MFSD11: variants seen among roughly 807,000 people sequenced by gnomAD.
MFSD11 encodes UNC93-like protein MFSD11.
Under a neutral mutation model 53.5 loss-of-function variants are expected in MFSD11, and 36 were observed. That is an observed-to-expected ratio of 0.67 (90% confidence interval 0.52 to 0.89). The LOEUF (loss-of-function observed/expected upper bound fraction) is 0.89. Among genes scored for constraint, MFSD11 ranks in the 40% least tolerant of loss-of-function variants. The pLI, the probability that MFSD11 is intolerant of heterozygous loss-of-function variation, is 0.00. For synonymous variants in MFSD11, 186 were observed against 184.9 expected (o/e 1.01, Z -0.05); for missense variants, 530 against 543.9 (o/e 0.97, Z 0.25).
intron 8 of MFSD11, among the ~76,000 whole-genome samples, chr17:76,761,494 C>A (rs2080225839): frequency 1.3e-5 from 2 of 152,122 alleles, no homozygotes; most frequent in South Asian, 4.1e-4. Flanking sequence ...TCAAAAAATT[C>A]TCCTGTATAT....
At chr17:76,737,256 G>A (rs768911692), upstream of MFSD11, 1 of 1,436,844 alleles carries the variant, frequency 7.0e-7, no homozygotes, top group Non-Finnish European at 9.2e-7. Flanking sequence ...TGCCTTCCGC[G>A]TGGGGACACT....
chr17:76,801,422 AG>A, the MFSD11 span, among the ~76,000 whole-genome samples: 2 of 148,332 alleles, frequency 1.3e-5, no homozygotes, highest in African/African-American at 4.9e-5. Context: ...AAGAAATAAT[AG>A]CTACTGCATA....
chr17:76,758,563 CAG>C (rs1353923889), intron 8 of MFSD11, among the ~76,000 whole-genome samples: 3 of 111,278 alleles, frequency 2.7e-5, no homozygotes, highest in Admixed American at 1.3e-4. Context: ...AGCATGGGCA[CAG>C]AGCGAGACCA....
chr17:76,775,135 T>C lies in MFSD11; in HGVS notation c.1013T>C (p.Val338Ala), dbSNP rs2081703028. ...CCTGGAGATGCCCCGATTGCTCCTGTTAAAGGAACTGACAGCAGTGCTTAC... is the reference window on the plus strand; with the variant it reads ...CCTGGAGATGCCCCGATTGCTCCTGCTAAAGGAACTGACAGCAGTGCTTAC... Reference protein sequence around the residue: ...NMPGDAPIAPVKGTDSSAYIK... With the variant: ...NMPGDAPIAPAKGTDSSAYIK... The change falls in exon 11 of 13, where the codon GTT (valine) becomes GCT (alanine). Residue 338 changes from valine (V) to alanine (A), a missense_variant. Transcript: ENST00000685175. 6.2e-7 allele frequency: 1 copy of C among 1,614,014 alleles called. No homozygotes were observed. Among genetic ancestry groups the C allele is most frequent in the East Asian group, 2.2e-5 (1 of 44,892 alleles).
the MFSD11 span, among the ~76,000 whole-genome samples, chr17:76,803,001 C>A: frequency 6.6e-6 from 1 of 151,534 alleles, no homozygotes; most frequent in African/African-American, 2.4e-5. Context: ...ACTAAAAATA[C>A]AAAAAATTAG....
chr17:76,741,687 C>G (rs1304256023), intron 3 of MFSD11, among the ~76,000 whole-genome samples: 1 of 152,066 alleles, frequency 6.6e-6, no homozygotes, highest in Non-Finnish European at 1.5e-5. Context: ...ACTTAGGAGG[C>G]TGAGGTGGGA....
At chr17:76,770,139 G>A (rs1235134459) in intron 10 of MFSD11, among the ~76,000 whole-genome samples, 2 of 149,710 alleles carry the variant, frequency 1.3e-5, no homozygotes, top group Non-Finnish European at 1.5e-5. Context: ...CCGGGTTCAC[G>A]CCATTCTTCT....
At chr17:76,743,941 T>A (rs2078320304) in intron 6 of MFSD11, among the ~76,000 whole-genome samples, 1 of 152,176 alleles carries the variant, frequency 6.6e-6, no homozygotes, top group Non-Finnish European at 1.5e-5. Context: ...ACTAGGATTA[T>A]AGTTTATGAC....
intron 7 of MFSD11, among the ~76,000 whole-genome samples, chr17:76,748,719 G>A (rs11867318): frequency 1.2e-4 from 5 of 43,088 alleles, no homozygotes; most frequent in Non-Finnish European, 4.4e-4. Context: ...TCTCAAGTGC[G>A]TAATTTGCAT....
intron 10 of MFSD11, among the ~76,000 whole-genome samples, chr17:76,771,997 G>A (rs1306991952): frequency 6.6e-6 from 1 of 152,112 alleles, no homozygotes; most frequent in Non-Finnish European, 1.5e-5. Context: ...GCTTAGCCAT[G>A]GTGAGTCAGT....
chr17:76,762,870 T>C lies in MFSD11; in HGVS notation c.683-4516T>C, dbSNP rs145131619. Among the ~76,000 whole-genome samples the C allele has an allele frequency of 8.7e-4, 132 of 151,094 alleles. 1 individual carries two copies. The highest frequency in any genetic ancestry group is 3.0e-3 in the African/African-American group (123 of 41,158). ...AGCTATTTAGATAAACTCCCCACAT[T>C]CCTTTTTTTTTTTTTTAAACTCCCC... On this transcript the variant is annotated intron_variant, in intron 8 of 12. Transcript: ENST00000685175.
Position 76,741,962 on chromosome 17 carries a change from A to G in MFSD11, c.261-7A>G. On this transcript the variant is annotated splice_polypyrimidine_tract_variant and splice_region_variant and intron_variant, in intron 3 of 12. Coordinates refer to ENST00000685175, the MANE Select transcript of MFSD11 (RefSeq NM_001242532.5). The stretch of plus-strand genomic sequence containing the variant: ...TGACTGTAATACCTTGACCTGTTAT[A>G]TTTTAGCATGTACATTGCCGTTTTC... 2 of 1,614,080 alleles carry G rather than the reference A, an allele frequency of 1.2e-6. No homozygotes were observed. The highest frequency in any genetic ancestry group is 1.7e-6 in the Non-Finnish European group (2 of 1,179,998).
chr17:76,776,429 G>A lies in MFSD11; in HGVS notation c.1073G>A (p.Ser358Asn), dbSNP rs1568118498. Residue 358 changes from serine (S) to asparagine (N), a missense_variant, in exon 12 of 13, where the codon AGT becomes AAT. Transcript: ENST00000685175. This position sits in a 1 kb window ranked among gnomAD's most constrained non-coding sequence, Gnocchi z 4.2. Reference sequence around the variant, plus strand: ...AGCAAAGAAGTTGCCATTCTCTGCAGTTTTCTGTTGGGCCTTGGAGACAGC... The same window carrying A: ...AGCAAAGAAGTTGCCATTCTCTGCAATTTTCTGTTGGGCCTTGGAGACAGC... The part of the protein sequence containing the change: ...KSSKEVAILC[S>N]FLLGLGDSCF... The A allele has an allele frequency of 1.9e-6, 3 of 1,613,908 alleles. No individual in the cohort carries two copies. Among genetic ancestry groups the A allele is most frequent in the Non-Finnish European group, 2.5e-6 (3 of 1,179,948 alleles).
intron 9 of MFSD11, among the ~76,000 whole-genome samples, chr17:76,768,995 A>G (rs1474995840): frequency 2.0e-5 from 3 of 152,010 alleles, no homozygotes; most frequent in African/African-American, 7.2e-5. Context: ...CAAAAAAAAA[A>G]AAAAAAAAGA....
At position 76,776,481 on chromosome 17, in the gene MFSD11, C is replaced by T; in HGVS notation, c.1125C>T (p.Ile375=). 2 of 1,614,080 alleles carry T rather than the reference C, an allele frequency of 1.2e-6. No homozygotes were observed. The highest frequency in any genetic ancestry group is 1.7e-6 in the Non-Finnish European group (2 of 1,180,020). Residue 375 remains isoleucine (I), a synonymous_variant, in exon 12 of 13, where the codon ATC becomes ATT. Coordinates refer to ENST00000685175, the MANE Select transcript of MFSD11 (RefSeq NM_001242532.5). The surrounding 1 kb of genome is among the most constrained non-coding windows in gnomAD (Gnocchi z 4.2). ...GCTTTAATACCCAGCTGCTTAGTAT[C>T]TTGGGCTTTCTGTATTCTGAAGACA... ...DSCFNTQLLS[I]LGFLYSEDSA...
rs2079542242 is a variant in MFSD11, at chr17:76,755,805, TATATA to T, written c.682+1719_682+1723del. On this transcript the variant is annotated intron_variant, in intron 8 of 12. Transcript: ENST00000685175. ...GTGTGTGTATACATATATATATATATATATATATTTTTTTTTTTTTTTTTTTTTTT... is the reference window on the plus strand; with the variant it reads ...GTGTGTGTATACATATATATATATATTATTTTTTTTTTTTTTTTTTTTTTT... 1.5e-3 allele frequency among the ~76,000 whole-genome samples: 51 copies of T among 33,724 alleles called. 1 individual carries two copies. Among genetic ancestry groups the T allele is most frequent in the African/African-American group, 4.8e-3 (50 of 10,472 alleles). 22.1% of individuals were successfully genotyped at this position (33,724 alleles called of 152,430 possible).
intron 7 of MFSD11, chr17:76,748,076 G>C (rs561074148): frequency 7.2e-6 from 1 of 139,024 alleles, no homozygotes; most frequent in Non-Finnish European, 1.6e-5. Context: ...GTGTTAGGAA[G>C]ACTGTGAAAG....
intron 7 of MFSD11, among the ~76,000 whole-genome samples, chr17:76,746,123 A>G (rs752812164): frequency 5.9e-5 from 9 of 152,250 alleles, no homozygotes; most frequent in Non-Finnish European, 8.8e-5. Context: ...GAACACACGA[A>G]TGATAAGAAA....
the MFSD11 span, among the ~76,000 whole-genome samples, chr17:76,800,670 A>G: frequency 1.3e-5 from 2 of 152,170 alleles, no homozygotes; most frequent in Non-Finnish European, 2.9e-5. Flanking sequence ...CTGTCTATAC[A>G]CTTTTCTTGC....
Sources: gnomAD v4.1 joint callset for allele counts (sites outside exome capture counted in the v4.1 genomes callset) on GRCh38, gnomAD v4.1.1 for gene constraint, Gnocchi (gnomAD v3.1) non-coding constraint, MANE v1.5 for transcripts, NCBI Gene and HGNC (gene_info 2026-07-23, HGNC 2026-07-21) for gene names.